Variants in CCDC12 observed in about 807,000 individuals in gnomAD.
CCDC12 encodes the protein coiled-coil domain containing 12, also known as coiled-coil domain-containing protein 12.
A neutral mutation model predicts 25.7 loss-of-function variants in CCDC12; 28 were observed. The observed-to-expected ratio is 1.09, with a 90% CI of 0.81 to 1.50. The LOEUF is 1.50. Ranked by LOEUF, CCDC12 falls within the 40% of genes most tolerant of loss-of-function variation. The pLI, the probability that CCDC12 is intolerant of heterozygous loss-of-function variation, is 0.00. For synonymous variants in CCDC12, 75 were observed against 87.7 expected (o/e 0.86, Z 0.81); for missense variants, 198 against 210.0 (o/e 0.94, Z 0.35).
At chr3:46,951,658 C>T in intron 1 of CCDC12, among the ~76,000 whole-genome samples, 1 of 147,072 alleles carries the variant, frequency 6.8e-6, no homozygotes, top group East Asian at 2.0e-4. Context: ...CGGGCACCTG[C>T]AGTCCCAGCT....
At chr3:46,959,472 C>T (rs939803607) in intron 1 of CCDC12, among the ~76,000 whole-genome samples, 2 of 152,160 alleles carry the variant, frequency 1.3e-5, no homozygotes, top group African/African-American at 4.8e-5. Context: ...GAGCCTGAGA[C>T]TCTCACCTGT....
intron 2 of CCDC12, among the ~76,000 whole-genome samples, chr3:46,936,018 G>A (rs959037662): frequency 3.9e-4 from 60 of 152,216 alleles, no homozygotes; most frequent in African/African-American, 1.1e-3. Context: ...CTCAGGCAGT[G>A]GGGCAGGAAC....
upstream of CCDC12, chr3:46,979,600 A>C (rs906817347): frequency 3.3e-5 from 9 of 269,942 alleles, no homozygotes; most frequent in East Asian, 1.8e-4. Flanking sequence ...CGCCCTTTAC[A>C]TGGTCCCAGG....
At chr3:46,930,211 GT>G (rs1559549853) in intron 2 of CCDC12, among the ~76,000 whole-genome samples, 1 of 152,034 alleles carries the variant, frequency 6.6e-6, no homozygotes, top group African/African-American at 2.4e-5. Flanking sequence ...ATTTTCTGTA[GT>G]TTCCGGAATT....
At chr3:46,948,229 C>G (rs370709567) in intron 1 of CCDC12, among the ~76,000 whole-genome samples, 1 of 152,180 alleles carries the variant, frequency 6.6e-6, no homozygotes, top group Non-Finnish European at 1.5e-5. Context: ...CAAGAGTCAG[C>G]AGGAACAGGT....
chr3:46,923,035 G>A (rs1214383023), intron 5 of CCDC12: 6 of 322,424 alleles, frequency 1.9e-5, no homozygotes, highest in East Asian at 4.8e-5. Flanking sequence ...CAAAGACAGC[G>A]GTTGGCCTTG....
At chr3:46,941,161 G>C (rs1323762784) in intron 1 of CCDC12, 96 bp from the exon 2 acceptor site, 7 of 1,194,488 alleles carry the variant, frequency 5.9e-6, no homozygotes, top group Admixed American at 3.4e-5. Flanking sequence ...TCTCAGAAGG[G>C]GGGCACCTGG....
At chr3:46,924,898 C>G (rs1003961015) in intron 3 of CCDC12, 6 of 193,390 alleles carry the variant, frequency 3.1e-5, no homozygotes, top group Non-Finnish European at 6.5e-5. Context: ...CCCAGGGATC[C>G]GCAGGACTAA....
At chr3:46,971,729 T>C (rs17784031) in intron 1 of CCDC12, among the ~76,000 whole-genome samples, 20,182 of 152,172 alleles carry the variant, frequency 0.13, 1,763 homozygotes, top group Non-Finnish European at 0.2. Context: ...AGCAAAACCA[T>C]GCCCACAGTA....
In CCDC12 at chr3:46,963,720, G is replaced by C. The variant is rs1387351343; in HGVS notation, c.96+12917C>G. Reference sequence around the variant, plus strand: ...TGATCCGCCAGCCTCGGCCTCCCGAGGTGCCGGGATTGCAGATGGAGTCTC... The same window carrying C: ...TGATCCGCCAGCCTCGGCCTCCCGACGTGCCGGGATTGCAGATGGAGTCTC... On this transcript the variant is annotated intron_variant, in intron 1 of 6. Transcript: ENST00000683445. Among the ~76,000 whole-genome samples the C allele has an allele frequency of 5.9e-5, 9 of 152,382 alleles. No individual in the cohort carries two copies. In the East Asian group the frequency reaches 1.4e-3, roughly 23 times the overall value.
intron 1 of CCDC12, among the ~76,000 whole-genome samples, chr3:46,948,837 T>G (rs371908312): frequency 7.2e-5 from 11 of 152,218 alleles, no homozygotes; most frequent in African/African-American, 2.7e-4. Flanking sequence ...AAGTCAACTC[T>G]GATCCTATTC....
chr3:46,981,166 C>T (rs1181419630), upstream of CCDC12, among the ~76,000 whole-genome samples: 1 of 152,178 alleles, frequency 6.6e-6, no homozygotes, highest in Non-Finnish European at 1.5e-5. Flanking sequence ...CAGCCCTGGC[C>T]GGGCACGGTG....
chr3:46,953,858 T>C (rs1387283293), intron 1 of CCDC12, among the ~76,000 whole-genome samples: 1 of 152,064 alleles, frequency 6.6e-6, no homozygotes, highest in African/African-American at 2.4e-5. Context: ...TGATGAGCAA[T>C]GAAGTCACCT....
At chr3:46,978,062 T>C (rs976126317), upstream of CCDC12, among the ~76,000 whole-genome samples, 2 of 152,236 alleles carry the variant, frequency 1.3e-5, no homozygotes, top group Admixed American at 6.5e-5. Flanking sequence ...CCTCTTAGGC[T>C]GTTCCCTCCC....
Position 46,961,096 on chromosome 3 carries a change from G to T in CCDC12, c.96+15541C>A, listed in dbSNP as rs182374586. On this transcript the variant is annotated intron_variant, in intron 1 of 6. Transcript: ENST00000683445. ...GGTGGTGTTGTGAGGTTAAGGGAGT[G>T]TAAGGAGGTGGGATGCACTGTAGGC... Among the ~76,000 whole-genome samples the T allele has an allele frequency of 2.0e-5, 3 of 151,968 alleles. No homozygotes were observed. The East Asian group carries it at 5.8e-4, about 29-fold the overall frequency.
intron 1 of CCDC12, among the ~76,000 whole-genome samples, chr3:46,975,272 G>C (rs1176387304): frequency 6.7e-6 from 1 of 150,026 alleles, no homozygotes; most frequent in Non-Finnish European, 1.5e-5. Context: ...TGCAACCTTT[G>C]CCTCCCAGTT....
intron 1 of CCDC12, among the ~76,000 whole-genome samples, chr3:46,964,778 C>T (rs1029338450): frequency 1.1e-4 from 16 of 152,070 alleles, no homozygotes; most frequent in Non-Finnish European, 2.2e-4. Flanking sequence ...GTCATTACCA[C>T]TCCCTAATCT....
intron 2 of CCDC12, among the ~76,000 whole-genome samples, chr3:46,934,614 C>G (rs373146826): frequency 6.6e-6 from 1 of 152,216 alleles, no homozygotes; most frequent in Admixed American, 6.5e-5. Context: ...GCTCCTACCC[C>G]ACCCTACCCA....
rs544605204 is a variant in CCDC12, at chr3:46,948,165, C to T, written c.97-7100G>A. On this transcript the variant is annotated intron_variant, in intron 1 of 6. Transcript: ENST00000683445. ...GCTTCACCAAGACATTAGGAGATGACGTCAGATGATCTGTGCAGTGTAGAC... is the reference window on the plus strand; with the variant it reads ...GCTTCACCAAGACATTAGGAGATGATGTCAGATGATCTGTGCAGTGTAGAC... Among the ~76,000 whole-genome samples, 86 of 152,296 alleles carry T rather than the reference C, an allele frequency of 5.6e-4. 1 individual carries two copies. The Middle Eastern group carries it at 0.01, about 18-fold the overall frequency.
Sources: gnomAD v4.1 joint callset for allele counts (sites outside exome capture counted in the v4.1 genomes callset) on GRCh38, gnomAD v4.1.1 for gene constraint, MANE v1.5 for transcripts, NCBI Gene and HGNC (gene_info 2026-07-23, HGNC 2026-07-21) for gene names.